The following CACNA2D1 variants were observed in gnomAD, a reference collection of about 807,000 sequenced individuals.
CACNA2D1 encodes voltage-dependent calcium channel subunit alpha-2/delta-1.
CACNA2D1 carries 53 observed loss-of-function variants against 171.5 expected under a neutral mutation model. The observed-to-expected ratio is 0.31, with a 90% CI of 0.25 to 0.39. The LOEUF is 0.39. CACNA2D1 is among the 10% of genes least tolerant of loss of function. The probability of loss-of-function intolerance (pLI) is 1.00; values close to 1 mark genes in which losing one functional copy is unlikely to be tolerated. For missense variants in CACNA2D1, 903 were observed against 1,299.8 expected, an observed-to-expected ratio of 0.69 and a Z score of 4.69; for synonymous variants, 442 against 443.1, an observed-to-expected ratio of 1.00 and a Z score of 0.03.
Position 81,991,223 on chromosome 7 carries a change from C to T in CACNA2D1, c.1758G>A (p.Arg586=). The T allele has an allele frequency of 6.5e-7, 1 of 1,537,732 alleles. No homozygotes were observed. The highest frequency in any genetic ancestry group is 9.0e-7 in the Non-Finnish European group (1 of 1,110,886). The stretch of plus-strand genomic sequence containing the variant: ...CATTGACAGGTGTCCATGTGTATGT[C>T]CTGTTTCCTTTGTCAATATATCTCT... ...QDERYIDKGN[R]TYTWTPVNGT... The change falls in exon 21 of 39, where the codon AGG becomes AGA. Residue 586 remains arginine, a synonymous_variant. Transcript: ENST00000356860.
intron 4 of CACNA2D1, among the ~76,000 whole-genome samples, chr7:82,150,637 T>C (rs1280839697): frequency 6.6e-6 from 1 of 152,148 alleles, no homozygotes; most frequent in Non-Finnish European, 1.5e-5. Flanking sequence ...CCTTTGCACC[T>C]ACCAAATACA....
chr7:82,199,058 C>G lies in CACNA2D1; in HGVS notation c.295-28449G>C, dbSNP rs557327541. 2.9e-4 allele frequency among the ~76,000 whole-genome samples: 44 copies of G among 152,166 alleles called. No homozygotes were observed. The South Asian group carries it at 8.5e-3, about 29-fold the overall frequency. ...CCTTTCCTCCCAGACACTTATGATT[C>G]TAGTTTATAGCTGTAATAATCACAG... is the stretch of plus-strand genomic sequence containing the variant. On this transcript the variant is annotated intron_variant, in intron 3 of 38. Coordinates refer to ENST00000356860, the MANE Select transcript of CACNA2D1 (RefSeq NM_000722.4).
intron 3 of CACNA2D1, among the ~76,000 whole-genome samples, chr7:82,243,275 A>G (rs1015096879): frequency 6.6e-5 from 10 of 152,172 alleles, no homozygotes; most frequent in Admixed American, 2.0e-4. Flanking sequence ...CAGAGGCACC[A>G]TTAAGAAACA....
chr7:82,009,791 G>A (rs972386832), intron 15 of CACNA2D1, among the ~76,000 whole-genome samples: 14 of 152,044 alleles, frequency 9.2e-5, no homozygotes, highest in Middle Eastern at 3.4e-3. Context: ...CTACTCCTGA[G>A]TACTGCACAT....
chr7:82,348,098 G>A (rs1033956223), intron 2 of CACNA2D1, among the ~76,000 whole-genome samples: 3 of 152,104 alleles, frequency 2.0e-5, no homozygotes, highest in Admixed American at 6.5e-5. Flanking sequence ...TCCATCTGTC[G>A]ATAAAGACAG....
intron 6 of CACNA2D1, among the ~76,000 whole-genome samples, chr7:82,114,793 AG>A (rs1256452944): frequency 6.6e-6 from 1 of 151,424 alleles, no homozygotes; most frequent in Non-Finnish European, 1.5e-5. Context: ...ACAGAAGAAA[AG>A]GAAGTAAAGA....
At chr7:82,255,232 C>T (rs38558) in intron 3 of CACNA2D1, among the ~76,000 whole-genome samples, 115,935 of 152,034 alleles carry the variant, frequency 0.76, 45,280 homozygotes, top group African/African-American at 0.93. Context: ...ACTAAACTGC[C>T]CCTTCCCTCT....
At chr7:82,285,602 C>T (rs1281068441) in intron 3 of CACNA2D1, among the ~76,000 whole-genome samples, 2 of 152,130 alleles carry the variant, frequency 1.3e-5, no homozygotes, top group African/African-American at 4.8e-5. Flanking sequence ...AGCACATTGG[C>T]TGGATCCACT....
rs1293858069 is a variant in CACNA2D1, at chr7:81,946,880, A to G, written c.*3512T>C. Reference sequence around the variant, plus strand: ...TCAAAAATCTGGAATTTTTTTCAACACTCAAAACATTATATTGGTTTGCTC... The same window carrying G: ...TCAAAAATCTGGAATTTTTTTCAACGCTCAAAACATTATATTGGTTTGCTC... On this transcript the variant is annotated 3_prime_UTR_variant, in exon 39 of 39. Coordinates refer to ENST00000356860, the MANE Select transcript of CACNA2D1 (RefSeq NM_000722.4). 6.6e-6 allele frequency: 1 copy of G among 152,058 alleles called. No homozygotes were observed. The highest frequency in any genetic ancestry group is 2.4e-5 in the African/African-American group (1 of 41,422). The allele number at this position is 152,058 out of a possible 1,614,324, so 9.4% of individuals were successfully genotyped here.
intron 11 of CACNA2D1, among the ~76,000 whole-genome samples, chr7:82,035,287 T>C (rs1803171293): frequency 6.6e-6 from 1 of 151,958 alleles, no homozygotes; most frequent in South Asian, 2.1e-4. Context: ...TTGGGACTGA[T>C]ATGTCTAATG....
chr7:82,146,526 C>CTA lies in CACNA2D1; in HGVS notation c.355-9852_355-9851dup, dbSNP rs112467676. ...TATATAAAGATATATATCTTTATAT[C>CTA]TATATATATATCTTTTACAGGTAAG... On this transcript the variant is annotated intron_variant, in intron 4 of 38. Coordinates refer to ENST00000356860, the MANE Select transcript of CACNA2D1 (RefSeq NM_000722.4). Among the ~76,000 whole-genome samples the CTA allele has an allele frequency of 2.6e-4, 35 of 135,938 alleles. 2 individuals carry two copies. Among genetic ancestry groups the CTA allele is most frequent in the Non-Finnish European group, 3.8e-4 (24 of 62,918 alleles). 89.2% of individuals were successfully genotyped at this position (135,938 alleles called of 152,430 possible). A position where few individuals can be genotyped will look rare whatever the true frequency, so the allele number is the denominator to read the frequency against.
chr7:82,312,698 T>G (rs1329761802), intron 3 of CACNA2D1, among the ~76,000 whole-genome samples: 3 of 150,152 alleles, frequency 2.0e-5, no homozygotes, highest in Non-Finnish European at 4.4e-5. Context: ...TTTTTTTTTG[T>G]ATTTTTTGCA....
chr7:82,146,058 T>C (rs1464178504), intron 4 of CACNA2D1, among the ~76,000 whole-genome samples: 1 of 151,942 alleles, frequency 6.6e-6, no homozygotes, highest in East Asian at 1.9e-4. Flanking sequence ...AATTAAAGTA[T>C]CACTTCATAA....
intron 3 of CACNA2D1, among the ~76,000 whole-genome samples, chr7:82,301,730 T>TACACACAC (rs4018910): frequency 0.031 from 4,381 of 142,214 alleles, 192 homozygotes; most frequent in African/African-American, 0.097. Flanking sequence ...TGGTAAATAA[T>TACACACAC]ACACACACAC....
intron 10 of CACNA2D1, among the ~76,000 whole-genome samples, chr7:82,054,205 GAAATCATTTT>G (rs539299443): frequency 1.0e-3 from 152 of 152,276 alleles, no homozygotes; most frequent in Admixed American, 3.8e-3. Flanking sequence ...TGCTTAATCA[GAAATCATTTT>G]AAAGCATTTT....
rs150058271 is a variant in CACNA2D1, at chr7:82,089,013, G to A, written c.527-4113C>T. Among the ~76,000 whole-genome samples, 407 of 152,270 alleles carry A rather than the reference G, an allele frequency of 2.7e-3. 1 individual carries two copies. The highest frequency in any genetic ancestry group is 8.9e-3 in the African/African-American group (368 of 41,546). On this transcript the variant is annotated intron_variant, in intron 6 of 38. Transcript: ENST00000356860. The stretch of plus-strand genomic sequence containing the variant: ...TGCTGCTCACCTGACAGAAGGCAGA[G>A]CTCAGGAAGTAATGCTCTCCTGCTG...
intron 6 of CACNA2D1, among the ~76,000 whole-genome samples, chr7:82,097,590 G>C (rs1042916219): frequency 6.6e-6 from 1 of 152,016 alleles, no homozygotes; most frequent in African/African-American, 2.4e-5. Flanking sequence ...GTACACTTGG[G>C]GACAACAGTG....
chr7:82,213,844 C>T (rs1800819503), intron 3 of CACNA2D1, among the ~76,000 whole-genome samples: 1 of 152,098 alleles, frequency 6.6e-6, no homozygotes, highest in African/African-American at 2.4e-5. Context: ...ACCCCTTTTC[C>T]ACCTGTCTTC....
chr7:81,968,737 C>T, intron 29 of CACNA2D1, 150 bp downstream of exon 29: 1 of 582,566 alleles, frequency 1.7e-6, no homozygotes, highest in Non-Finnish European at 3.1e-6. Context: ...GGTAACTAGT[C>T]ATATTTTATT....
Sources: allele counts gnomAD v4.1 joint callset (sites outside exome capture counted in the v4.1 genomes callset), GRCh38; gene constraint gnomAD v4.1.1; transcripts MANE v1.5; gene names NCBI Gene and HGNC (gene_info 2026-07-23, HGNC 2026-07-21).